Variants in TMEM131 observed in about 807,000 individuals in gnomAD.
TMEM131 encodes transmembrane protein 131, also known as 2610524E03Rik.
In TMEM131, 66 loss-of-function variants were observed where a neutral mutation model predicts 211.6. The observed-to-expected ratio is 0.31, with a 90% CI of 0.26 to 0.38. TMEM131 has a LOEUF of 0.38. Among genes scored for constraint, TMEM131 ranks in the 10% least tolerant of loss-of-function variants. The pLI, the probability that TMEM131 is intolerant of heterozygous loss-of-function variation, is 1.00. For missense variants in TMEM131, 2,036 were observed against 2,299.3 expected (o/e 0.89, Z 2.34); for synonymous variants, 844 against 841.3 (o/e 1.00, Z -0.06).
intron 11 of TMEM131, among the ~76,000 whole-genome samples, chr2:97,831,432 T>C (rs1163396737): frequency 1.3e-5 from 2 of 152,104 alleles, no homozygotes; most frequent in Non-Finnish European, 2.9e-5. Flanking sequence ...ATTTATTGAA[T>C]GGGTGAATGA....
At chr2:97,911,136 C>G (rs1453470388) in intron 2 of TMEM131, among the ~76,000 whole-genome samples, 1 of 152,118 alleles carries the variant, frequency 6.6e-6, no homozygotes, top group Non-Finnish European at 1.5e-5. Context: ...TATTGATATA[C>G]AAAACAACAC....
intron 7 of TMEM131, among the ~76,000 whole-genome samples, chr2:97,839,562 T>G (rs1468847510): frequency 6.6e-6 from 1 of 152,232 alleles, no homozygotes; most frequent in Non-Finnish European, 1.5e-5. Flanking sequence ...CCAAACATTA[T>G]GTACAGAATA....
At position 97,995,575 on chromosome 2, in the gene TMEM131, C is replaced by A. The variant is rs1364703994; in HGVS notation, c.88G>T (p.Ala30Ser). The A allele has an allele frequency of 2.3e-6, 3 of 1,301,442 alleles. No homozygotes were observed. The highest frequency in any genetic ancestry group is 6.3e-5 in the East Asian group (2 of 31,500). The allele number at this position is 1,301,442 out of a possible 1,614,324, so 80.6% of individuals were successfully genotyped here. The change falls in exon 1 of 41, where the codon GCC (alanine) becomes TCC (serine). Residue 30 changes from alanine to serine, a missense_variant. Coordinates refer to ENST00000186436, the MANE Select transcript of TMEM131 (RefSeq NM_015348.2). ...SAGAGLEPAA[A>S]RSGGPRSAAA... ...GCGCTCCGCGGGCCCCCGCTACGGG[C>A]GGCCGCAGGTTCCAGCCCGGCCCCG...
chr2:97,969,529 C>T (rs1284757698), intron 1 of TMEM131, among the ~76,000 whole-genome samples: 2 of 152,208 alleles, frequency 1.3e-5, no homozygotes, highest in African/African-American at 4.8e-5. Context: ...ATGACACCTG[C>T]AGGTCTTCTT....
intron 32 of TMEM131, among the ~76,000 whole-genome samples, chr2:97,774,275 A>G (rs999139351): frequency 7.2e-5 from 11 of 152,278 alleles, no homozygotes; most frequent in Non-Finnish European, 1.5e-4. Context: ...GTTGTTGCCT[A>G]CGCACCTAGC....
chr2:97,908,708 G>T lies in TMEM131; in HGVS notation c.250-10C>A. 1 of 1,597,948 alleles carries T rather than the reference G, an allele frequency of 6.3e-7. No individual in the cohort carries two copies. On this transcript the variant is annotated splice_polypyrimidine_tract_variant and intron_variant, in intron 2 of 40. Transcript: ENST00000186436. ...CAAGTGTTGTCTCGGTCTGTAAAAG[G>T]AATAAAATAATGATTAAAAAACTGA...
At chr2:97,855,440 C>G (rs1163273839) in intron 5 of TMEM131, among the ~76,000 whole-genome samples, 1 of 152,162 alleles carries the variant, frequency 6.6e-6, no homozygotes, top group Non-Finnish European at 1.5e-5. Flanking sequence ...TGGCTCACGC[C>G]TGTCATCCCG....
chr2:97,812,707 A>T lies in TMEM131; in HGVS notation c.1660T>A (p.Phe554Ile). ...PPKIEERFID[F>I]GVLSATEASN... The stretch of plus-strand genomic sequence containing the variant: ...GCTTCTGTAGCACTCAGTACTCCAA[A>T]ATCTATGAAACGTTCCTCTATTTTG... The change falls in exon 16 of 41, where the codon TTT becomes ATT. Residue 554 changes from phenylalanine to isoleucine, a missense_variant. Transcript: ENST00000186436. 6.3e-7 allele frequency: 1 copy of T among 1,596,264 alleles called. No individual in the cohort carries two copies. Among genetic ancestry groups the T allele is most frequent in the Non-Finnish European group, 8.5e-7 (1 of 1,174,832 alleles).
chr2:97,841,817 G>C lies in TMEM131; in HGVS notation c.721C>G (p.Gln241Glu). The C allele has an allele frequency of 6.3e-7, 1 of 1,589,222 alleles. No individual in the cohort carries two copies. Among genetic ancestry groups the C allele is most frequent in the Non-Finnish European group, 8.6e-7 (1 of 1,167,788 alleles). ...CAAAATTACCATCATAAACTCACCT[G>C]TAAAGGCTCACTGTGAGGATTGTGG... ...NIHNPHSEPL[Q>E]VVEMYSSGGD... Residue 241 changes from glutamine (Q) to glutamate (E), a missense_variant and splice_region_variant, in exon 7 of 41, where the codon CAG becomes GAG. Gln to Glu is a conservative substitution (Grantham distance 29). Transcript: ENST00000186436.
At chr2:97,965,989 G>A (rs1038101642) in intron 1 of TMEM131, among the ~76,000 whole-genome samples, 2 of 151,736 alleles carry the variant, frequency 1.3e-5, no homozygotes, top group African/African-American at 4.8e-5. Context: ...AAAAGAGAAA[G>A]TAAGCAAAGC....
intron 18 of TMEM131, among the ~76,000 whole-genome samples, chr2:97,810,018 A>G (rs1681481407): frequency 6.6e-6 from 1 of 152,202 alleles, no homozygotes; most frequent in African/African-American, 2.4e-5. Context: ...CGTAAAAAAG[A>G]CTAAACAACG....
chr2:97,783,069 T>A (rs1680090764), intron 31 of TMEM131, among the ~76,000 whole-genome samples: 1 of 151,494 alleles, frequency 6.6e-6, no homozygotes, highest in Non-Finnish European at 1.5e-5. Flanking sequence ...CAAAAAAACC[T>A]TGAAATCAGC....
Position 97,802,088 on chromosome 2 carries a change from C to T in TMEM131, c.2652-127G>A, listed in dbSNP as rs542963355. 38 of 584,438 alleles carry T rather than the reference C, an allele frequency of 6.5e-5. 1 individual carries two copies. The highest frequency in any genetic ancestry group is 6.4e-4 in the Middle Eastern group (2 of 3,112). The allele number at this position is 584,438 out of a possible 1,614,324, so 36.2% of individuals were successfully genotyped here. ...TGTCAGGTTTTGAGATCAATATGAC[C>T]AGATTTATAGCCTTAAGAAAATTAA... On this transcript the variant is annotated intron_variant, in intron 24 of 40. Coordinates refer to ENST00000186436, the MANE Select transcript of TMEM131 (RefSeq NM_015348.2).
intron 1 of TMEM131, among the ~76,000 whole-genome samples, chr2:97,942,834 C>G (rs1677804940): frequency 6.6e-6 from 1 of 151,246 alleles, no homozygotes; most frequent in Non-Finnish European, 1.5e-5. Context: ...TAAAGAAGGA[C>G]AAAAAACAGG....
At chr2:97,937,547 C>T (rs1257568843) in intron 1 of TMEM131, among the ~76,000 whole-genome samples, 1 of 152,058 alleles carries the variant, frequency 6.6e-6, no homozygotes, top group Non-Finnish European at 1.5e-5. Context: ...GTAATTCTCA[C>T]AGCAACTATT....
intron 31 of TMEM131, among the ~76,000 whole-genome samples, chr2:97,781,958 A>G (rs1277953809): frequency 6.6e-6 from 1 of 152,236 alleles, no homozygotes; most frequent in African/African-American, 2.4e-5. Context: ...ATGCCAACAA[A>G]GGCCAAAGTG....
intron 1 of TMEM131, among the ~76,000 whole-genome samples, chr2:97,959,154 A>T (rs181530373): frequency 1.3e-5 from 2 of 152,328 alleles, no homozygotes; most frequent in East Asian, 3.9e-4. Flanking sequence ...AAAGTCAAGA[A>T]AACAGGAGAA....
intron 11 of TMEM131, among the ~76,000 whole-genome samples, chr2:97,825,018 A>T (rs538307469): frequency 6.6e-6 from 1 of 152,272 alleles, no homozygotes; most frequent in South Asian, 2.1e-4. Context: ...ACTGTTCTGG[A>T]CCTCAAGAAT....
rs1407723236 is a variant in TMEM131, at chr2:97,762,039, T to C, written c.4885A>G (p.Ser1629Gly). The C allele has an allele frequency of 6.4e-7, 1 of 1,562,970 alleles. No homozygotes were observed. Among genetic ancestry groups the C allele is most frequent in the Admixed American group, 2.1e-5 (1 of 47,802 alleles). Reference sequence around the variant, plus strand: ...GAAAGGAAGCAGCAGGCCTACCTGCTGGAGCTGCTGTTGACGATGCTGCTG... The same window carrying C: ...GAAAGGAAGCAGCAGGCCTACCTGCCGGAGCTGCTGTTGACGATGCTGCTG... The part of the protein sequence containing the change: ...SYSSIVNSSS[S>G]SDPKIKQPNG... The change falls in exon 36 of 41, where the codon AGC becomes GGC. Residue 1629 changes from serine (S) to glycine (G), a missense_variant. By Grantham distance (56) the Ser-to-Gly change is moderately conservative. Coordinates refer to ENST00000186436, the MANE Select transcript of TMEM131 (RefSeq NM_015348.2).
Sources: allele counts gnomAD v4.1 joint callset (sites outside exome capture counted in the v4.1 genomes callset), GRCh38; gene constraint gnomAD v4.1.1; transcripts MANE v1.5; gene names NCBI Gene and HGNC (gene_info 2026-07-23, HGNC 2026-07-21).